The following ACTN2 variants were observed in gnomAD, a reference collection of about 807,000 sequenced individuals.
The protein encoded by ACTN2 is actinin alpha 2, also known as alpha-actinin-2.
A neutral mutation model predicts 113.8 loss-of-function variants in ACTN2; 39 were observed. The ratio of observed to expected loss-of-function variants is 0.34; its 90% CI spans 0.27 to 0.45. ACTN2 has a LOEUF of 0.45. ACTN2 is among the 20% of genes least tolerant of loss of function. The pLI, the probability that ACTN2 is intolerant of heterozygous loss-of-function variation, is 1.00. For missense variants in ACTN2, 992 were observed against 1,177.9 expected (o/e 0.84, Z 2.31); for synonymous variants, 429 against 444.1 (o/e 0.97, Z 0.43).
intron 15 of ACTN2, among the ~76,000 whole-genome samples, chr1:236,753,377 C>G (rs564343835): frequency 3.3e-5 from 5 of 152,246 alleles, no homozygotes; most frequent in African/African-American, 1.2e-4. Context: ...TGGAGTAGGG[C>G]TGAGTGTACG....
chr1:236,687,029 A>G (rs1466414207), intron 1 of ACTN2, among the ~76,000 whole-genome samples: 1 of 151,562 alleles, frequency 6.6e-6, no homozygotes, highest in Non-Finnish European at 1.5e-5. Flanking sequence ...CATCGGAGGT[A>G]CAGATGTGGT....
At chr1:236,734,606 C>G in intron 7 of ACTN2, 1 of 958,034 alleles carries the variant, frequency 1.0e-6, no homozygotes, top group Admixed American at 2.4e-5. Context: ...TTTCCCCCCT[C>G]TCCTCCGAGT....
intron 1 of ACTN2, among the ~76,000 whole-genome samples, chr1:236,711,832 G>A (rs1446388863): frequency 6.6e-6 from 1 of 152,192 alleles, no homozygotes; most frequent in African/African-American, 2.4e-5. Context: ...GAGAGGTAGA[G>A]GAGGCTTTAA....
chr1:236,727,560 G>T, intron 5 of ACTN2, 118 bp from the exon 6 acceptor site: 1 of 1,010,490 alleles, frequency 9.9e-7, no homozygotes, highest in East Asian at 2.5e-5. Flanking sequence ...GAAGCTACAT[G>T]GGGCCCTCCG....
intron 1 of ACTN2, among the ~76,000 whole-genome samples, chr1:236,693,173 ACATG>A (rs949579474): frequency 6.9e-5 from 5 of 72,108 alleles, no homozygotes; most frequent in African/African-American, 2.3e-4. Context: ...ACATCTGCAC[ACATG>A]CACACACACA....
chr1:236,715,219 C>A (rs1056877632), intron 1 of ACTN2, among the ~76,000 whole-genome samples: 1 of 150,226 alleles, frequency 6.7e-6, no homozygotes, highest in African/African-American at 2.5e-5. Context: ...AGGTTTGTTA[C>A]ATATGTATAC....
At chr1:236,709,222 A>ATG (rs1558227348) in intron 1 of ACTN2, among the ~76,000 whole-genome samples, 13 of 40,176 alleles carry the variant, frequency 3.2e-4, no homozygotes, top group African/African-American at 1.6e-3. Flanking sequence ...AAATGACTGT[A>ATG]TATATATATA....
intron 1 of ACTN2, among the ~76,000 whole-genome samples, chr1:236,717,189 A>T (rs1213285157): frequency 6.6e-6 from 1 of 151,716 alleles, no homozygotes; most frequent in Non-Finnish European, 1.5e-5. Flanking sequence ...CATGCCTGTA[A>T]TCCCAGCACT....
At chr1:236,693,644 A>G (rs967337769) in intron 1 of ACTN2, among the ~76,000 whole-genome samples, 22 of 151,986 alleles carry the variant, frequency 1.4e-4, no homozygotes, top group African/African-American at 5.3e-4. Context: ...AGTCCTCTGG[A>G]CCCTGCCTCT....
At chr1:236,689,167 AGT>A (rs1471276204) in intron 1 of ACTN2, among the ~76,000 whole-genome samples, 1 of 151,966 alleles carries the variant, frequency 6.6e-6, no homozygotes, top group African/African-American at 2.4e-5. Flanking sequence ...CTCTTTCAAG[AGT>A]GTGTTAGGAA....
intron 1 of ACTN2, among the ~76,000 whole-genome samples, chr1:236,689,749 A>G (rs932051794): frequency 1.3e-5 from 2 of 152,184 alleles, no homozygotes; most frequent in African/African-American, 4.8e-5. Context: ...ATCAATTTCT[A>G]AGTAAATTGG....
Position 236,761,149 on chromosome 1 carries a change from C to G in ACTN2, c.2502C>G (p.Ser834=), listed in dbSNP as rs1296924753. The G allele has an allele frequency of 6.2e-7, 1 of 1,614,202 alleles. No homozygotes were observed. Among genetic ancestry groups the G allele is most frequent in the East Asian group, 2.2e-5 (1 of 44,876 alleles). ...ACACTGCCGAGCAGGTCATCGCCTC[C>G]TTCCGGATCCTGGCTTCTGATAAGG... The part of the protein sequence containing the change: ...DTDTAEQVIA[S]FRILASDKPY... The change falls in exon 20 of 21, where the codon TCC becomes TCG. Residue 834 remains serine (S), a synonymous_variant. Transcript: ENST00000366578.
At chr1:236,730,169 TACTTAATTGGC>T (rs1439004135) in intron 6 of ACTN2, among the ~76,000 whole-genome samples, 1 of 152,204 alleles carries the variant, frequency 6.6e-6, no homozygotes, top group Admixed American at 6.5e-5. Flanking sequence ...AGGAAATCAA[TACTTAATTGGC>T]ACATTTTATC....
At chr1:236,733,484 C>T (rs1447630683) in intron 7 of ACTN2, among the ~76,000 whole-genome samples, 2 of 152,216 alleles carry the variant, frequency 1.3e-5, no homozygotes, top group South Asian at 2.1e-4. Context: ...TTCATTTCCT[C>T]CTCCTCATCT....
At chr1:236,712,370 C>T (rs1257777328) in intron 1 of ACTN2, among the ~76,000 whole-genome samples, 2 of 152,060 alleles carry the variant, frequency 1.3e-5, no homozygotes, top group Non-Finnish European at 2.9e-5. Context: ...CAGCTGGAGT[C>T]TTTTTTCTGC....
intron 1 of ACTN2, among the ~76,000 whole-genome samples, chr1:236,688,330 C>T (rs575312457): frequency 5.7e-4 from 86 of 150,684 alleles, no homozygotes; most frequent in African/African-American, 2.0e-3. Context: ...GGTAGTCTGC[C>T]CATCATTTTT....
rs1314640186 is a variant in ACTN2 at position 236,737,297 on chromosome 1, GCATATA to G, written c.876+84_876+89del. 210 of 322,130 alleles carry G rather than the reference GCATATA, an allele frequency of 6.5e-4. 47 individuals are homozygous for G. Among genetic ancestry groups the G allele is most frequent in the Non-Finnish European group, 9.4e-4 (148 of 158,038 alleles). The allele number at this position is 322,130 out of a possible 1,614,324, so 20.0% of individuals were successfully genotyped here. On this transcript the variant is annotated intron_variant, in intron 9 of 20. Coordinates refer to ENST00000366578, the MANE Select transcript of ACTN2 (RefSeq NM_001103.4). ...GAGGGTGAAAAAATACTCCGTGGGGGCATATATATATATATATATATTTTGCATTTT... is the reference window on the plus strand; with the variant it reads ...GAGGGTGAAAAAATACTCCGTGGGGGTATATATATATATATTTTGCATTTT...
intron 12 of ACTN2, among the ~76,000 whole-genome samples, chr1:236,747,302 A>G (rs946939722): frequency 6.6e-6 from 1 of 152,206 alleles, no homozygotes; most frequent in Admixed American, 6.5e-5. Context: ...AAAACCCTGA[A>G]ATACCATCCC....
intron 4 of ACTN2, among the ~76,000 whole-genome samples, chr1:236,721,021 TG>T (rs1170438430): frequency 0.022 from 1,224 of 55,370 alleles, 238 homozygotes; most frequent in Non-Finnish European, 0.027. Context: ...TTTTGTTTTT[TG>T]TTTTTTTTTT....
Sources: allele counts gnomAD v4.1 joint callset (sites outside exome capture counted in the v4.1 genomes callset), GRCh38; gene constraint gnomAD v4.1.1; transcripts MANE v1.5; gene names NCBI Gene and HGNC (gene_info 2026-07-23, HGNC 2026-07-21).